The following SPEG variants were observed in gnomAD, a reference collection of about 807,000 sequenced individuals.
SPEG encodes striated muscle preferentially expressed protein kinase.
In SPEG, 114 loss-of-function variants were observed where a neutral mutation model predicts 300.4. The observed-to-expected ratio is 0.38, with a 90% CI of 0.33 to 0.44. The LOEUF is 0.44. Ranked by LOEUF, SPEG falls within the 20% of genes least tolerant of loss-of-function variation. SPEG has a pLI of 1.00. For synonymous variants in SPEG, 1,964 were observed against 2,018.9 expected (o/e 0.97, Z 0.73); for missense variants, 4,201 against 4,586.2 (o/e 0.92, Z 2.43).
rs1559403847 is a variant in SPEG at position 219,473,675 on chromosome 2, C to T, written c.4271+48C>T. 6.2e-7 allele frequency: 1 copy of T among 1,613,548 alleles called. No homozygotes were observed. Among genetic ancestry groups the T allele is most frequent in the African/African-American group, 1.3e-5 (1 of 75,068 alleles). On this transcript the variant is annotated intron_variant, in intron 17 of 40. Coordinates refer to ENST00000312358, the MANE Select transcript of SPEG (RefSeq NM_005876.5). The surrounding 1 kb of genome is among the most constrained non-coding windows in gnomAD (Gnocchi z 4.6). The stretch of plus-strand genomic sequence containing the variant: ...GCAGCCCAGGTCTGGCCCAGCCTGG[C>T]CGGAATGCCCTGGGGCAAGATCTGG...
chr2:219,435,686 C>T (rs1954699963), intron 1 of SPEG, among the ~76,000 whole-genome samples: 1 of 151,380 alleles, frequency 6.6e-6, no homozygotes, highest in African/African-American at 2.4e-5. Flanking sequence ...GAAAAGCCTC[C>T]TGGGGGAAAG....
At position 219,458,656 on chromosome 2, in the gene SPEG, T is replaced by G. The variant is rs1690386981; in HGVS notation, c.2441-3226T>G. ...GCCAAACCTCCTAGGTTCAAAGCTC[T>G]GCTCTGAGGTTGAATGGCCCAGTGA... On this transcript the variant is annotated intron_variant, in intron 6 of 40. Coordinates refer to ENST00000312358, the MANE Select transcript of SPEG (RefSeq NM_005876.5). This position sits in a 1 kb window ranked among gnomAD's most constrained non-coding sequence, Gnocchi z 4.2. Among the ~76,000 whole-genome samples the G allele has an allele frequency of 6.6e-6, 1 of 152,182 alleles. No individual in the cohort carries two copies. The highest frequency in any genetic ancestry group is 6.5e-5 in the Admixed American group (1 of 15,270).
Position 219,472,916 on chromosome 2 carries a change from C to A in SPEG, c.3967C>A (p.Gln1323Lys). Residue 1323 changes from glutamine to lysine, a missense_variant, in exon 16 of 41, where the codon CAG becomes AAG. This residue lies in a region of SPEG where 1,047 missense variants were observed against 1,356.8 expected (regional missense o/e 0.77). Transcript: ENST00000312358. ...IDPDSLTYTVQHQVLGSDQWT... is the reference protein window; with the variant it reads ...IDPDSLTYTVKHQVLGSDQWT... ...CCCGGACTCCCTGACGTACACAGTGCAGCACCAGGTGCTGGGCTCGGACCA... is the reference window on the plus strand; with the variant it reads ...CCCGGACTCCCTGACGTACACAGTGAAGCACCAGGTGCTGGGCTCGGACCA... 1 of 1,611,808 alleles carries A rather than the reference C, an allele frequency of 6.2e-7. No individual in the cohort carries two copies. Among genetic ancestry groups the A allele is most frequent in the Non-Finnish European group, 8.5e-7 (1 of 1,178,694 alleles).
At chr2:219,482,041 G>A (rs1478735705) in intron 28 of SPEG, 1 of 339,852 alleles carries the variant, frequency 2.9e-6, no homozygotes, top group African/African-American at 2.0e-5. Context: ...CCACACAATA[G>A]CGTTGGGGGT....
At position 219,435,183 on chromosome 2, in the gene SPEG, C is replaced by T. The variant is rs768017689; in HGVS notation, c.206C>T (p.Thr69Met). Residue 69 changes from threonine to methionine, a missense_variant, in exon 1 of 41, where the codon ACG becomes ATG. Thr to Met is a moderately conservative substitution (Grantham distance 81, BLOSUM62 -1). This residue lies in a region of SPEG where 1,258 missense variants were observed against 1,293.9 expected (regional missense o/e 0.97). Coordinates refer to ENST00000312358, the MANE Select transcript of SPEG (RefSeq NM_005876.5). ...CGGCTGCGGGTGGTGGTGAGCGGGACGCCCCAGCCCAGCCTCCGCTGGTTC... is the reference window on the plus strand; with the variant it reads ...CGGCTGCGGGTGGTGGTGAGCGGGATGCCCCAGCCCAGCCTCCGCTGGTTC... ...DVRLRVVVSG[T>M]PQPSLRWFRD... 132 of 1,476,364 alleles carry T rather than the reference C, an allele frequency of 8.9e-5. No homozygotes were observed. In the Admixed American group the frequency reaches 3.0e-3, roughly 34 times the overall value. 91.5% of individuals were successfully genotyped at this position (1,476,364 alleles called of 1,614,324 possible).
rs769110810 is a variant in SPEG at position 219,448,183 on chromosome 2, C to A, written c.1025C>A (p.Pro342His). Reference protein sequence around the residue: ...PTSPHRRTQEPVLPEDTTTEE... With the variant: ...PTSPHRRTQEHVLPEDTTTEE... Reference sequence around the variant, plus strand: ...TCGCCCCACCGTCGCACTCAGGAGCCTGTGCTGCCCGAGGACACCACCACC... The same window carrying A: ...TCGCCCCACCGTCGCACTCAGGAGCATGTGCTGCCCGAGGACACCACCACC... The change falls in exon 4 of 41, where the codon CCT becomes CAT. Residue 342 changes from proline (P) to histidine (H), a missense_variant. Transcript: ENST00000312358. 6.2e-7 allele frequency: 1 copy of A among 1,612,102 alleles called. No homozygotes were observed. The highest frequency in any genetic ancestry group is 1.3e-5 in the African/African-American group (1 of 74,916).
Position 219,448,404 on chromosome 2 carries a change from C to T in SPEG, c.1246C>T (p.Arg416Cys). Residue 416 changes from arginine to cysteine, a missense_variant, in exon 4 of 41, where the codon CGC becomes TGC. By Grantham distance (180) the Arg-to-Cys change is radical (BLOSUM62 -3). Around this residue, in one of 4 missense-constraint regions of SPEG, gnomAD observed 1,258 missense variants for 1,293.9 expected, o/e 0.97. Transcript: ENST00000312358. ...FFEERRRSLE[R>C]SDSPPAPLRP... Reference sequence around the variant, plus strand: ...CGAGGAGCGACGGCGCAGCCTGGAGCGCAGCGACTCGCCGCCGGCGCCCCT... The same window carrying T: ...CGAGGAGCGACGGCGCAGCCTGGAGTGCAGCGACTCGCCGCCGGCGCCCCT... 6.5e-7 allele frequency: 1 copy of T among 1,530,886 alleles called. No individual in the cohort carries two copies. The highest frequency in any genetic ancestry group is 1.2e-5 in the South Asian group (1 of 82,830). The allele number at this position is 1,530,886 out of a possible 1,614,324, so 94.8% of individuals were successfully genotyped here. A position where few individuals can be genotyped will look rare whatever the true frequency, so the allele number is the denominator to read the frequency against.
chr2:219,441,502 CG>C (rs1464072872), intron 1 of SPEG: 5 of 469,290 alleles, frequency 1.1e-5, no homozygotes, highest in African/African-American at 6.0e-5. Flanking sequence ...TCGGCGAGTT[CG>C]GTTCTGCCTG....
chr2:219,442,095 G>A (rs1454785002), intron 1 of SPEG: 7 of 1,189,812 alleles, frequency 5.9e-6, no homozygotes, highest in Non-Finnish European at 7.4e-6. Context: ...TGAGGGCTCC[G>A]GGGGCGGGCG....
intron 6 of SPEG, chr2:219,461,498 C>T (rs367744426): frequency 9.2e-7 from 1 of 1,084,428 alleles, no homozygotes; most frequent in Non-Finnish European, 1.1e-6. Context: ...ACCTGCTTCC[C>T]CTGCTTTTGG....
chr2:219,481,161 C>A lies in SPEG; in HGVS notation c.5370-143C>A. ...AGGGGACAGGGCAGGAGAGAGTCCGCAGCCTCACCTCTTACCCACATTTGC... is the reference window on the plus strand; with the variant it reads ...AGGGGACAGGGCAGGAGAGAGTCCGAAGCCTCACCTCTTACCCACATTTGC... On this transcript the variant is annotated intron_variant, in intron 26 of 40. Transcript: ENST00000312358. The surrounding 1 kb of genome is among the most constrained non-coding windows in gnomAD (Gnocchi z 5.4). The A allele has an allele frequency of 2.3e-6, 2 of 869,808 alleles. No individual in the cohort carries two copies. Among genetic ancestry groups the A allele is most frequent in the Admixed American group, 4.5e-5 (2 of 44,352 alleles). The allele number at this position is 869,808 out of a possible 1,614,324, so 53.9% of individuals were successfully genotyped here.
chr2:219,489,419 A>G lies in SPEG; in HGVS notation c.8401A>G (p.Thr2801Ala), dbSNP rs1394089909. 1.9e-6 allele frequency: 3 copies of G among 1,609,934 alleles called. No homozygotes were observed. Among genetic ancestry groups the G allele is most frequent in the South Asian group, 2.2e-5 (2 of 90,880 alleles). The change falls in exon 36 of 41, where the codon ACC becomes GCC. Residue 2801 changes from threonine (T) to alanine (A), a missense_variant. Thr to Ala is a moderately conservative substitution (Grantham distance 58). Coordinates refer to ENST00000312358, the MANE Select transcript of SPEG (RefSeq NM_005876.5). The part of the protein sequence containing the change: ...PARARPPDSP[T>A]SLAPPLAPAA... ...CAGGGCCCGGCCTCCTGACTCTCCT[A>G]CCTCACTGGCCCCACCCCTAGCTCC...
At chr2:219,463,029 G>C (rs1478094229) in intron 8 of SPEG, among the ~76,000 whole-genome samples, 1 of 152,188 alleles carries the variant, frequency 6.6e-6, no homozygotes, top group Non-Finnish European at 1.5e-5. Flanking sequence ...GCAACATAGT[G>C]AGACTCTGTC....
In SPEG at chr2:219,479,592, C is replaced by T. The variant is rs1002992231; in HGVS notation, c.5086-191C>T. Among the ~76,000 whole-genome samples, 2 of 152,148 alleles carry T rather than the reference C, an allele frequency of 1.3e-5. No homozygotes were observed. The highest frequency in any genetic ancestry group is 4.8e-5 in the African/African-American group (2 of 41,428). ...TACTTATTACCACGCAATGGCTCCTCCCTATAATTGTGCTGTACCCTCCGG... is the reference window on the plus strand; with the variant it reads ...TACTTATTACCACGCAATGGCTCCTTCCTATAATTGTGCTGTACCCTCCGG... On this transcript the variant is annotated intron_variant, in intron 23 of 40. Transcript: ENST00000312358. The surrounding 1 kb of genome is among the most constrained non-coding windows in gnomAD (Gnocchi z 5.5).
intron 1 of SPEG, among the ~76,000 whole-genome samples, chr2:219,437,587 C>A (rs1426292409): frequency 1.3e-5 from 2 of 152,084 alleles, no homozygotes; most frequent in Admixed American, 6.6e-5. Context: ...CAGCAAATAA[C>A]CTTTGAGAAC....
chr2:219,472,236 C>T lies in SPEG; in HGVS notation c.3845C>T (p.Pro1282Leu). The stretch of plus-strand genomic sequence containing the variant: ...GAACTGCGGCTTTCAGATGTGGTCC[C>T]AGGCCCTCCAGATGGCGCCCCGCAG... ...YAHLYVTDVV[P>L]GPPDGAPQVV... Residue 1282 changes from proline to leucine, a missense_variant, in exon 15 of 41, where the codon CCA becomes CTA. By Grantham distance (98) the Pro-to-Leu change is moderately conservative (BLOSUM62 -3). This residue lies in a region of SPEG where 1,047 missense variants were observed against 1,356.8 expected (regional missense o/e 0.77). Transcript: ENST00000312358. 1 of 1,613,752 alleles carries T rather than the reference C, an allele frequency of 6.2e-7. No individual in the cohort carries two copies. The highest frequency in any genetic ancestry group is 2.2e-5 in the East Asian group (1 of 44,880).
chr2:219,457,090 C>T (rs1358029330), intron 6 of SPEG, among the ~76,000 whole-genome samples: 1 of 152,142 alleles, frequency 6.6e-6, no homozygotes, highest in Non-Finnish European at 1.5e-5. Context: ...GTGGAAATGC[C>T]CACCTCCTGG....
Position 219,477,058 on chromosome 2 carries a change from C to T in SPEG, c.4560+76C>T. On this transcript the variant is annotated intron_variant, in intron 19 of 40. Transcript: ENST00000312358. The surrounding 1 kb of genome is among the most constrained non-coding windows in gnomAD (Gnocchi z 6.4). The stretch of plus-strand genomic sequence containing the variant: ...GGGGCGTGGGAGGGTCCTGGAAGGC[C>T]TTAGGAGGGCGGAGCCCGGGCAGAG... 2 of 1,334,210 alleles carry T rather than the reference C, an allele frequency of 1.5e-6. No individual in the cohort carries two copies. The highest frequency in any genetic ancestry group is 2.1e-6 in the Non-Finnish European group (2 of 966,702). 82.6% of individuals were successfully genotyped at this position (1,334,210 alleles called of 1,614,324 possible). A position where few individuals can be genotyped will look rare whatever the true frequency, so the allele number is the denominator to read the frequency against.
rs571240205 is a variant in SPEG, at chr2:219,444,096, C to T, written c.389-557C>T. 25 of 1,345,502 alleles carry T rather than the reference C, an allele frequency of 1.9e-5. No individual in the cohort carries two copies. The African/African-American group carries it at 2.8e-4, about 15-fold the overall frequency. The allele number at this position is 1,345,502 out of a possible 1,614,324, so 83.3% of individuals were successfully genotyped here. A position where few individuals can be genotyped will look rare whatever the true frequency, so the allele number is the denominator to read the frequency against. ...GCTCCTGCTCTAGCCCCCCGCATCC[C>T]CCCCTTTCCCACCCGGCCCCGGCCT... On this transcript the variant is annotated intron_variant, in intron 1 of 40. Transcript: ENST00000312358. This position sits in a 1 kb window ranked among gnomAD's most constrained non-coding sequence, Gnocchi z 7.8.
Sources: allele counts gnomAD v4.1 joint callset (sites outside exome capture counted in the v4.1 genomes callset), GRCh38; gene constraint gnomAD v4.1.1; regional missense constraint gnomAD v4.1.1; non-coding constraint Gnocchi (gnomAD v3.1); transcripts MANE v1.5; gene names NCBI Gene and HGNC (gene_info 2026-07-23, HGNC 2026-07-21).